Variants in RBFOX1 observed in about 807,000 individuals in gnomAD.
The protein encoded by RBFOX1 is RNA binding protein fox-1 homolog 1.
In RBFOX1, 8 loss-of-function variants were observed where a neutral mutation model predicts 57.7. The observed-to-expected ratio is 0.14, with a 90% CI of 0.08 to 0.25. The LOEUF (loss-of-function observed/expected upper bound fraction) is 0.25. RBFOX1 is among the 10% of genes least tolerant of loss of function. The probability of loss-of-function intolerance (pLI) is 1.00; values close to 1 mark genes in which losing one functional copy is unlikely to be tolerated. For missense variants in RBFOX1, 611 were observed against 548.5 expected, an observed-to-expected ratio of 1.11 and a Z score of -1.14; for synonymous variants, 326 against 222.4, an observed-to-expected ratio of 1.47 and a Z score of -4.15.
intron 3 of RBFOX1, among the ~76,000 whole-genome samples, chr16:6,770,542 G>A (rs555999405): frequency 4.6e-5 from 7 of 152,194 alleles, no homozygotes; most frequent in Non-Finnish European, 1.0e-4. Context: ...GCCCCTTTAC[G>A]GAAGATGTTC....
intron 2 of RBFOX1, among the ~76,000 whole-genome samples, chr16:6,516,254 C>G (rs544324600): frequency 6.6e-6 from 1 of 152,272 alleles, no homozygotes; most frequent in East Asian, 1.9e-4. Context: ...GTCTCGAACT[C>G]CTGACCTCAG....
chr16:5,888,550 C>G (rs1455207838), intron 4 of RBFOX1, among the ~76,000 whole-genome samples: 1 of 152,040 alleles, frequency 6.6e-6, no homozygotes, highest in African/African-American at 2.4e-5. Context: ...AATCCCAGCA[C>G]TTTGGGAGAC....
At chr16:6,524,445 G>T (rs377404697) in intron 2 of RBFOX1, among the ~76,000 whole-genome samples, 1 of 152,256 alleles carries the variant, frequency 6.6e-6, no homozygotes, top group South Asian at 2.1e-4. Context: ...AGTGTTTACC[G>T]TAGTTCTACA....
At chr16:6,699,145 C>T (rs754642420) in intron 3 of RBFOX1, among the ~76,000 whole-genome samples, 1 of 152,114 alleles carries the variant, frequency 6.6e-6, no homozygotes, top group Admixed American at 6.5e-5. Flanking sequence ...ATTTGAAGTG[C>T]CACCCAGGCA....
At chr16:7,526,828 C>G (rs144849001) in intron 5 of RBFOX1, among the ~76,000 whole-genome samples, 2 of 152,298 alleles carry the variant, frequency 1.3e-5, no homozygotes, top group East Asian at 3.9e-4. Context: ...AGGCAAATCA[C>G]TTACTGAAGG....
intron 1 of RBFOX1, among the ~76,000 whole-genome samples, chr16:5,448,550 G>A (rs1197181248): frequency 2.0e-5 from 3 of 152,156 alleles, no homozygotes; most frequent in East Asian, 3.9e-4. Flanking sequence ...GGTCTCCTCT[G>A]TGCAGGCAGG....
intron 2 of RBFOX1, among the ~76,000 whole-genome samples, chr16:6,448,830 T>C (rs1223501882): frequency 6.6e-6 from 1 of 152,224 alleles, no homozygotes; most frequent in African/African-American, 2.4e-5. Context: ...GGTACATATG[T>C]AGCCACTATT....
At chr16:6,116,344 C>G (rs1375304190) in intron 1 of RBFOX1, among the ~76,000 whole-genome samples, 2 of 152,130 alleles carry the variant, frequency 1.3e-5, no homozygotes, top group Non-Finnish European at 2.9e-5. Flanking sequence ...GTGCAGCAAA[C>G]CACCATGGCA....
intron 4 of RBFOX1, among the ~76,000 whole-genome samples, chr16:7,382,414 C>T (rs1359308487): frequency 6.6e-6 from 1 of 152,138 alleles, no homozygotes; most frequent in Non-Finnish European, 1.5e-5. Context: ...TAATCATTCA[C>T]CTTGATTATG....
At chr16:5,366,704 A>G (rs1415238886) in intron 1 of RBFOX1, 2 of 399,114 alleles carry the variant, frequency 5.0e-6, no homozygotes, top group Non-Finnish European at 9.6e-6. Flanking sequence ...AATCATTTAA[A>G]CAATTTGTTA....
intron 4 of RBFOX1, among the ~76,000 whole-genome samples, chr16:7,103,814 C>T (rs759853039): frequency 3.9e-5 from 6 of 152,170 alleles, no homozygotes; most frequent in African/African-American, 7.2e-5. Flanking sequence ...AGACTCGTGA[C>T]TTCAAGTGCC....
At chr16:6,974,322 A>ATT (rs1195451535) in intron 3 of RBFOX1, among the ~76,000 whole-genome samples, 2 of 108,198 alleles carry the variant, frequency 1.8e-5, no homozygotes, top group East Asian at 2.6e-4. Context: ...TATAAATCAC[A>ATT]TTTTTTTCTT....
chr16:7,447,989 G>C (rs927321829), intron 4 of RBFOX1, among the ~76,000 whole-genome samples: 4 of 152,284 alleles, frequency 2.6e-5, no homozygotes, highest in Non-Finnish European at 5.9e-5. Flanking sequence ...TTGGGATGTA[G>C]GGATTTCCAC....
At chr16:5,711,510 T>C (rs2051486645) in intron 3 of RBFOX1, among the ~76,000 whole-genome samples, 1 of 152,142 alleles carries the variant, frequency 6.6e-6, no homozygotes, top group Non-Finnish European at 1.5e-5. Flanking sequence ...TGGGGTGCGA[T>C]TCAAAGCAGG....
chr16:5,799,414 G>A (rs941734033), intron 3 of RBFOX1, among the ~76,000 whole-genome samples: 5 of 152,066 alleles, frequency 3.3e-5, no homozygotes, highest in African/African-American at 4.8e-5. Flanking sequence ...GAAAAAAGTC[G>A]AACAATATAC....
At chr16:7,143,614 T>G (rs1289972572) in intron 4 of RBFOX1, among the ~76,000 whole-genome samples, 1 of 152,144 alleles carries the variant, frequency 6.6e-6, no homozygotes, top group African/African-American at 2.4e-5. Context: ...TTTTTATCTT[T>G]TCTGTGTCCT....
intron 2 of RBFOX1, among the ~76,000 whole-genome samples, chr16:5,516,034 GT>G (rs2043779950): frequency 6.6e-6 from 1 of 152,148 alleles, no homozygotes; most frequent in African/African-American, 2.4e-5. Flanking sequence ...CCTCTCAACT[GT>G]TTCCCAAGGT....
intron 1 of RBFOX1, among the ~76,000 whole-genome samples, chr16:6,296,605 A>G (rs1210994768): frequency 6.6e-6 from 1 of 152,044 alleles, no homozygotes; most frequent in Admixed American, 6.5e-5. Context: ...TATTTTTAGT[A>G]GAGACGCGGT....
intron 3 of RBFOX1, among the ~76,000 whole-genome samples, chr16:6,749,937 G>T (rs918779592): frequency 1.3e-5 from 2 of 152,108 alleles, no homozygotes; most frequent in Non-Finnish European, 2.9e-5. Flanking sequence ...ACTGTGTCAG[G>T]GTGTTCAGAG....
Sources: gnomAD v4.1 joint callset for allele counts (sites outside exome capture counted in the v4.1 genomes callset) on GRCh38, gnomAD v4.1.1 for gene constraint, MANE v1.5 for transcripts, NCBI Gene and HGNC (gene_info 2026-07-23, HGNC 2026-07-21) for gene names.